SMYD3: variants seen among roughly 807,000 people sequenced by gnomAD.
SMYD3 encodes the protein SET and MYND domain containing 3.
In SMYD3, 36 loss-of-function variants were observed where a neutral mutation model predicts 57.7. That is an observed-to-expected ratio of 0.62 (90% CI 0.48 to 0.82). SMYD3 has a LOEUF of 0.82. Among genes scored for constraint, SMYD3 ranks in the 40% least tolerant of loss-of-function variants. SMYD3 has a pLI of 0.00. For synonymous variants in SMYD3, 211 were observed against 195.0 expected, an observed-to-expected ratio of 1.08 and a Z score of -0.68; for missense variants, 515 against 538.8, an observed-to-expected ratio of 0.96 and a Z score of 0.44.
At chr1:246,364,946 G>A (rs185507458) in intron 1 of SMYD3, among the ~76,000 whole-genome samples, 1 of 152,136 alleles carries the variant, frequency 6.6e-6, no homozygotes, top group South Asian at 2.1e-4. Context: ...GAAAAGGATA[G>A]TTCAGACAAA....
At chr1:246,506,837 C>A (rs931020812) in intron 1 of SMYD3, among the ~76,000 whole-genome samples, 1 of 31,614 alleles carries the variant, frequency 3.2e-5, no homozygotes, top group Non-Finnish European at 6.6e-5. Flanking sequence ...CCTGGGCCCC[C>A]TCCCAGCCCC....
chr1:246,278,080 GGTGA>G (rs772806659), intron 5 of SMYD3, among the ~76,000 whole-genome samples: 7 of 152,132 alleles, frequency 4.6e-5, no homozygotes, highest in Non-Finnish European at 8.8e-5. Context: ...AACTTTAAAA[GGTGA>G]GTAAGGAGCT....
At chr1:245,928,437 C>G (rs775407513) in intron 6 of SMYD3, among the ~76,000 whole-genome samples, 1 of 151,814 alleles carries the variant, frequency 6.6e-6, no homozygotes, top group African/African-American at 2.4e-5. Context: ...TTTAGGAAGC[C>G]GAGGTGGGTG....
rs557500237 is a variant in SMYD3, at chr1:245,964,796, TA to T, written c.532-34860del. ...GAAAAAGCAAAGAGAACAAAGATTG[TA>T]AAAAAAAAAAAAGAATATCCAAGAA... On this transcript the variant is annotated intron_variant, in intron 5 of 11. Transcript: ENST00000490107. Among the ~76,000 whole-genome samples the T allele has an allele frequency of 4.9e-3, 639 of 131,068 alleles. 6 individuals are homozygous for T. Among genetic ancestry groups the T allele is most frequent in the African/African-American group, 4.1e-3 (147 of 36,104 alleles). 86.0% of individuals were successfully genotyped at this position (131,068 alleles called of 152,430 possible).
intron 10 of SMYD3, among the ~76,000 whole-genome samples, chr1:245,828,344 C>T (rs2049623668): frequency 6.6e-6 from 1 of 152,130 alleles, no homozygotes; most frequent in African/African-American, 2.4e-5. Flanking sequence ...TGAAATGACA[C>T]CTTCTAGAAA....
intron 5 of SMYD3, among the ~76,000 whole-genome samples, chr1:246,218,209 A>G (rs1388864765): frequency 1.3e-5 from 2 of 151,148 alleles, no homozygotes; most frequent in Non-Finnish European, 2.9e-5. Context: ...ACTGATTTCA[A>G]TACATACAAG....
chr1:246,328,661 AAT>A (rs1391222345), intron 4 of SMYD3, among the ~76,000 whole-genome samples: 9 of 151,094 alleles, frequency 6.0e-5, no homozygotes, highest in African/African-American at 9.7e-5. Flanking sequence ...TTTGATGGTA[AAT>A]ATATGTTTTT....
chr1:246,134,053 G>T (rs1365800770), intron 5 of SMYD3, among the ~76,000 whole-genome samples: 1 of 152,118 alleles, frequency 6.6e-6, no homozygotes. Context: ...CCGGGGAAAT[G>T]ACTAGTGAAC....
chr1:246,469,901 A>G (rs904380719), intron 1 of SMYD3, among the ~76,000 whole-genome samples: 7 of 152,224 alleles, frequency 4.6e-5, no homozygotes, highest in Admixed American at 4.6e-4. Context: ...CCAAGTGATT[A>G]AAACTTCACC....
intron 5 of SMYD3, among the ~76,000 whole-genome samples, chr1:246,050,322 C>T (rs1327527273): frequency 1.3e-5 from 2 of 152,146 alleles, no homozygotes; most frequent in Non-Finnish European, 2.9e-5. Context: ...CAGAGAGACT[C>T]AATGTACAAC....
intron 4 of SMYD3, among the ~76,000 whole-genome samples, chr1:246,327,736 A>T (rs995181143): frequency 1.3e-5 from 2 of 152,240 alleles, no homozygotes; most frequent in African/African-American, 4.8e-5. Flanking sequence ...GGTCATGACT[A>T]AACTAATAAA....
At chr1:246,374,694 G>A (rs183210518) in intron 1 of SMYD3, among the ~76,000 whole-genome samples, 15 of 152,288 alleles carry the variant, frequency 9.8e-5, no homozygotes, top group African/African-American at 2.6e-4. Flanking sequence ...TAAGGTGGCC[G>A]GGCATAGTGG....
At chr1:246,420,050 T>G (rs2067119235) in intron 1 of SMYD3, among the ~76,000 whole-genome samples, 1 of 152,078 alleles carries the variant, frequency 6.6e-6, no homozygotes, top group Non-Finnish European at 1.5e-5. Context: ...AATATAAAAA[T>G]TAGCCAGGTG....
intron 1 of SMYD3, among the ~76,000 whole-genome samples, chr1:246,445,646 C>A (rs546878204): frequency 6.6e-6 from 1 of 152,194 alleles, no homozygotes; most frequent in Admixed American, 6.5e-5. Flanking sequence ...AGTTAGAAAA[C>A]CCCTACAGCT....
At chr1:245,950,624 T>A (rs1470291263) in intron 5 of SMYD3, among the ~76,000 whole-genome samples, 1 of 152,104 alleles carries the variant, frequency 6.6e-6, no homozygotes, top group East Asian at 1.9e-4. Flanking sequence ...CCATTCCGAG[T>A]CGGTCGTCAT....
chr1:245,926,728 G>C (rs991249659), intron 7 of SMYD3, among the ~76,000 whole-genome samples: 1 of 152,156 alleles, frequency 6.6e-6, no homozygotes, highest in Non-Finnish European at 1.5e-5. Flanking sequence ...AAGTTACTTG[G>C]TTTGTTTTTT....
intron 10 of SMYD3, among the ~76,000 whole-genome samples, chr1:245,841,808 T>C (rs1325299224): frequency 6.6e-6 from 1 of 152,216 alleles, no homozygotes; most frequent in Non-Finnish European, 1.5e-5. Flanking sequence ...TTTCTACTGA[T>C]ACCTCAGACA....
At chr1:246,400,653 G>GT (rs1409732184) in intron 1 of SMYD3, among the ~76,000 whole-genome samples, 1 of 152,158 alleles carries the variant, frequency 6.6e-6, no homozygotes, top group Non-Finnish European at 1.5e-5. Flanking sequence ...ATGCAGTATA[G>GT]TTTCCTGGCC....
chr1:246,182,469 G>A (rs182109946), intron 5 of SMYD3, among the ~76,000 whole-genome samples: 4 of 152,118 alleles, frequency 2.6e-5, no homozygotes, highest in Non-Finnish European at 5.9e-5. Context: ...AGACTGAAGT[G>A]ATAACGTCAC....
Sources: gnomAD v4.1 joint callset for allele counts (sites outside exome capture counted in the v4.1 genomes callset) on GRCh38, gnomAD v4.1.1 for gene constraint, MANE v1.5 for transcripts, NCBI Gene and HGNC (gene_info 2026-07-23, HGNC 2026-07-21) for gene names.